The following CHRM5 variants were observed in gnomAD, a reference collection of about 807,000 sequenced individuals.
CHRM5 encodes the protein muscarinic acetylcholine receptor M5.
A neutral mutation model predicts 39.0 loss-of-function variants in CHRM5; 18 were observed. The observed-to-expected ratio is 0.46, with a 90% CI of 0.32 to 0.68. The LOEUF (loss-of-function observed/expected upper bound fraction) is 0.68, where lower values mean the gene tolerates loss of function less well. CHRM5 is among the 30% of genes least tolerant of loss of function. The probability of loss-of-function intolerance (pLI) is 0.04; values close to 1 mark genes in which losing one functional copy is unlikely to be tolerated. For synonymous variants in CHRM5, 241 were observed against 246.3 expected, an observed-to-expected ratio of 0.98 and a Z score of 0.20; for missense variants, 515 against 651.1, an observed-to-expected ratio of 0.79 and a Z score of 2.28.
chr15:33,983,201 T>C (rs1279337445), intron 1 of CHRM5, among the ~76,000 whole-genome samples: 12,739 of 39,372 alleles, frequency 0.32, 1,240 homozygotes, highest in African/African-American at 0.5. Flanking sequence ...TATGTGTGTG[T>C]ATATATATAT....
At chr15:33,973,729 T>C (rs1214385451) in intron 1 of CHRM5, among the ~76,000 whole-genome samples, 2 of 152,220 alleles carry the variant, frequency 1.3e-5, no homozygotes, top group Non-Finnish European at 2.9e-5. Flanking sequence ...TATAGTTGTC[T>C]GACATACGAA....
At chr15:33,969,523 T>C (rs2140491216) in intron 1 of CHRM5, among the ~76,000 whole-genome samples, 1 of 152,030 alleles carries the variant, frequency 6.6e-6, no homozygotes, top group South Asian at 2.1e-4. Context: ...CCAGAGTACT[T>C]GATAAAACAA....
At chr15:34,038,882 A>G (rs1199602571) in intron 1 of CHRM5, 12 of 1,139,196 alleles carry the variant, frequency 1.1e-5, no homozygotes, top group Middle Eastern at 3.7e-4. Context: ...AGCCCCGGCC[A>G]CGGCCACGGC....
Position 33,968,581 on chromosome 15 carries a change from G to T in CHRM5, c.-977G>T, listed in dbSNP as rs663273. 148,210 of 152,118 alleles carry T rather than the reference G, an allele frequency of 0.97. 72,273 individuals carry two copies. Among genetic ancestry groups the T allele is most frequent in the Non-Finnish European group, 1 (67,917 of 67,952 alleles). 9.4% of individuals were successfully genotyped at this position (152,118 alleles called of 1,614,324 possible). A position where few individuals can be genotyped will look rare whatever the true frequency, so the allele number is the denominator to read the frequency against. On this transcript the variant is annotated 5_prime_UTR_variant, in exon 1 of 3. Coordinates refer to ENST00000383263, the MANE Select transcript of CHRM5 (RefSeq NM_012125.4). ...TTTTACCTCACTATTCAAAAAACAG[G>T]GTACCAGAAGCATGGGTTACAAAAG...
intron 1 of CHRM5, among the ~76,000 whole-genome samples, chr15:33,985,913 A>G (rs1896426392): frequency 6.6e-6 from 1 of 152,156 alleles, no homozygotes; most frequent in African/African-American, 2.4e-5. Flanking sequence ...AAGGTTCATG[A>G]TTCTCTCAAG....
At chr15:34,039,683 A>G (rs1208724578) in intron 1 of CHRM5, among the ~76,000 whole-genome samples, 2 of 152,212 alleles carry the variant, frequency 1.3e-5, no homozygotes, top group Non-Finnish European at 2.9e-5. Flanking sequence ...ATGGCTAGAA[A>G]GGGCGTCAAA....
chr15:33,994,602 G>C (rs1432094611), intron 1 of CHRM5, among the ~76,000 whole-genome samples: 1 of 152,184 alleles, frequency 6.6e-6, no homozygotes, highest in Non-Finnish European at 1.5e-5. Context: ...CTTTAAGGGT[G>C]AAAGTGCTAG....
chr15:34,041,319 A>G (rs939825134), intron 1 of CHRM5, among the ~76,000 whole-genome samples: 33 of 152,322 alleles, frequency 2.2e-4, no homozygotes, highest in African/African-American at 7.7e-4. Context: ...ACGTTTTAGT[A>G]TCTAAGGAGC....
At chr15:33,973,474 C>T (rs1414934401) in intron 1 of CHRM5, among the ~76,000 whole-genome samples, 1 of 152,136 alleles carries the variant, frequency 6.6e-6, no homozygotes, top group Non-Finnish European at 1.5e-5. Flanking sequence ...CTGGTAATAC[C>T]TACAGAAGAG....
At chr15:34,033,496 G>A (rs2702301) in intron 1 of CHRM5, among the ~76,000 whole-genome samples, 147,005 of 150,530 alleles carry the variant, frequency 0.98, 71,878 homozygotes, top group East Asian at 1. Context: ...ACAGAGCGAG[G>A]CTCCGTCTCA....
chr15:34,053,105 G>A lies in CHRM5; in HGVS notation c.-76+6234G>A, dbSNP rs982809059. Reference sequence around the variant, plus strand: ...ACTTGAGATCAGGAATTTGAGACGAGCCTAGCCAATATGGTGAAACCCCAT... The same window carrying A: ...ACTTGAGATCAGGAATTTGAGACGAACCTAGCCAATATGGTGAAACCCCAT... On this transcript the variant is annotated intron_variant, in intron 2 of 2. Coordinates refer to ENST00000383263, the MANE Select transcript of CHRM5 (RefSeq NM_012125.4). Among the ~76,000 whole-genome samples, 8 of 151,594 alleles carry A rather than the reference G, an allele frequency of 5.3e-5. No individual in the cohort carries two copies. The East Asian group carries it at 1.5e-3, about 29-fold the overall frequency.
intron 2 of CHRM5, among the ~76,000 whole-genome samples, 186 bp downstream of exon 2, chr15:34,047,057 TTTGGTTTTTTTG>T (rs1379651601): frequency 7.0e-6 from 1 of 143,406 alleles, no homozygotes; most frequent in East Asian, 2.0e-4. Context: ...GCTTTTTTGT[TTTGGTTTTTTTG>T]TTGGTTTTTT....
intron 1 of CHRM5, chr15:34,003,208 A>G (rs571245842): frequency 1.2e-6 from 2 of 1,613,138 alleles, no homozygotes; most frequent in African/African-American, 2.7e-5. Context: ...GTCATCTTCA[A>G]CCTGCAATCA....
chr15:33,991,753 C>T (rs1896735920), intron 1 of CHRM5: 1 of 151,738 alleles, frequency 6.6e-6, no homozygotes. Flanking sequence ...TAACCTATGA[C>T]TAAGAAACAA....
At position 34,063,442 on chromosome 15, in the gene CHRM5, G is replaced by A. The variant is rs769593960; in HGVS notation, c.725G>A (p.Arg242Lys). The A allele has an allele frequency of 3.1e-6, 5 of 1,613,886 alleles. No individual in the cohort carries two copies. The South Asian group carries it at 5.5e-5, about 18-fold the overall frequency. ...GSDSVTKAEKRKPAHRALFRS... is the reference protein window; with the variant it reads ...GSDSVTKAEKKKPAHRALFRS... Reference sequence around the variant, plus strand: ...GACTCTGTGACCAAAGCTGAGAAGAGAAAGCCAGCTCATAGGGCTCTGTTC... The same window carrying A: ...GACTCTGTGACCAAAGCTGAGAAGAAAAAGCCAGCTCATAGGGCTCTGTTC... The change falls in exon 3 of 3, where the codon AGA (arginine) becomes AAA (lysine). Residue 242 changes from arginine (R) to lysine (K), a missense_variant. Physicochemically the swap from Arg to Lys is conservative, Grantham distance 26. Coordinates refer to ENST00000383263, the MANE Select transcript of CHRM5 (RefSeq NM_012125.4). This position sits in a 1 kb window ranked among gnomAD's most constrained non-coding sequence, Gnocchi z 4.1.
intron 1 of CHRM5, among the ~76,000 whole-genome samples, chr15:34,039,937 G>A (rs1267796323): frequency 6.6e-6 from 1 of 152,170 alleles, no homozygotes; most frequent in Non-Finnish European, 1.5e-5. Flanking sequence ...AAAACAGGAA[G>A]GGGAACAGTT....
At chr15:34,038,844 C>G in intron 1 of CHRM5, 4 of 1,170,270 alleles carry the variant, frequency 3.4e-6, no homozygotes, top group Non-Finnish European at 4.2e-6. Flanking sequence ...GGCGCCTCCT[C>G]CTCCTCGGCC....
intron 1 of CHRM5, among the ~76,000 whole-genome samples, chr15:33,988,870 A>T (rs1876721951): frequency 6.6e-6 from 1 of 152,228 alleles, no homozygotes; most frequent in African/African-American, 2.4e-5. Flanking sequence ...AGTAAAGGTG[A>T]TTTCCCAACT....
intron 1 of CHRM5, among the ~76,000 whole-genome samples, chr15:34,044,351 TATCAGTCTC>T (rs1899604463): frequency 6.6e-6 from 1 of 152,216 alleles, no homozygotes; most frequent in Non-Finnish European, 1.5e-5. Flanking sequence ...TTACTTGGTT[TATCAGTCTC>T]ATTTGATACA....
Sources: allele counts gnomAD v4.1 joint callset (sites outside exome capture counted in the v4.1 genomes callset), GRCh38; gene constraint gnomAD v4.1.1; non-coding constraint Gnocchi (gnomAD v3.1); transcripts MANE v1.5; gene names NCBI Gene and HGNC (gene_info 2026-07-23, HGNC 2026-07-21).